RPL7: variants seen among roughly 807,000 people sequenced by gnomAD.
The protein encoded by RPL7 is ribosomal protein L7.
For missense variants in RPL7, 205 were observed against 301.9 expected (o/e 0.68, Z 2.38); for synonymous variants, 100 against 102.2 (o/e 0.98, Z 0.13).
chr8:73,292,737 G>T lies in RPL7; in HGVS notation c.75C>A (p.Phe25Leu). ...PETLKKKRRN[F>L]AELKIKRLRK... The stretch of plus-strand genomic sequence containing the variant: ...TCAGGCGCTTGATCTTCAGCTCTGC[G>T]AAATTCCTTCGCTTTTTCTTAAGGG... The change falls in exon 2 of 7, where the codon TTC (phenylalanine) becomes TTA (leucine). Residue 25 changes from phenylalanine to leucine, a missense_variant. By Grantham distance (22) the Phe-to-Leu change is conservative. Coordinates refer to ENST00000352983, the MANE Select transcript of RPL7 (RefSeq NM_000971.4). 1 of 1,613,766 alleles carries T rather than the reference G, an allele frequency of 6.2e-7. No individual in the cohort carries two copies. Among genetic ancestry groups the T allele is most frequent in the Non-Finnish European group, 8.5e-7 (1 of 1,179,922 alleles).
intron 1 of RPL7, 50 bp from the exon 2 acceptor site, chr8:73,292,847 G>T (rs1190124258): frequency 6.7e-6 from 9 of 1,351,434 alleles, no homozygotes; most frequent in Non-Finnish European, 9.4e-6. Flanking sequence ...AGCTCACAGC[G>T]CTGTATTACT....
At chr8:73,293,535 G>T in intron 1 of RPL7, 64 bp downstream of exon 1, 3 of 1,597,532 alleles carry the variant, frequency 1.9e-6, no homozygotes, top group East Asian at 2.2e-5. Flanking sequence ...GAGAAAAAGT[G>T]ACACAAAAAG....
chr8:73,293,655 C>T, upstream of RPL7: 1 of 1,612,208 alleles, frequency 6.2e-7, no homozygotes. Flanking sequence ...TGCGTACTGT[C>T]CACTTAAAGA....
intron 4 of RPL7, 41 bp from the exon 5 acceptor site, chr8:73,291,702 A>C: frequency 1.3e-6 from 2 of 1,590,966 alleles, no homozygotes; most frequent in Non-Finnish European, 8.6e-7. Flanking sequence ...GACCACTGTT[A>C]AAACATCTAA....
chr8:73,291,313 C>T (rs1814089157), intron 5 of RPL7, 61 bp from the exon 6 acceptor site: 1 of 1,373,310 alleles, frequency 7.3e-7, no homozygotes, highest in Non-Finnish European at 1.0e-6. Flanking sequence ...AATAATTATT[C>T]AAAATCTTTT....
chr8:73,293,683 C>T, upstream of RPL7: 3 of 1,585,316 alleles, frequency 1.9e-6, no homozygotes, highest in Non-Finnish European at 1.7e-6. Flanking sequence ...AGAGAAGCCC[C>T]ACGACTCATA....
chr8:73,292,897 T>C (rs1469920309), intron 1 of RPL7, 100 bp from the exon 2 acceptor site: 3 of 828,934 alleles, frequency 3.6e-6, no homozygotes, highest in Non-Finnish European at 5.7e-6. Context: ...ATGCTGTCAC[T>C]GACTTTAGTC....
chr8:73,294,279 C>G (rs1005647928), upstream of RPL7: 4 of 152,888 alleles, frequency 2.6e-5, no homozygotes, highest in African/African-American at 4.8e-5. Context: ...AGTGGCTAGC[C>G]AGGGACCAGT....
At position 73,292,796 on chromosome 8, in the gene RPL7, C is replaced by G. The variant is rs949014733; in HGVS notation, c.16G>C (p.Glu6Gln). MEGVE[E>Q]KKKEVPAVPE... Reference sequence around the variant, plus strand: ...ACAGCAGGAACCTCCTTCTTCTTCTCTCTAACGTTAATAAACAAAAATGTT... The same window carrying G: ...ACAGCAGGAACCTCCTTCTTCTTCTGTCTAACGTTAATAAACAAAAATGTT... Residue 6 changes from glutamate (E) to glutamine (Q), a missense_variant and splice_region_variant, in exon 2 of 7, where the codon GAG becomes CAG. Transcript: ENST00000352983. 4 of 1,604,334 alleles carry G rather than the reference C, an allele frequency of 2.5e-6. No homozygotes were observed. In the African/African-American group the frequency reaches 5.4e-5, roughly 22 times the overall value.
rs1309160345 is a variant in RPL7 at position 73,291,791 on chromosome 8, T to C, written c.410A>G (p.Glu137Gly). The C allele has an allele frequency of 6.2e-7, 1 of 1,608,092 alleles. No individual in the cohort carries two copies. The highest frequency in any genetic ancestry group is 8.5e-7 in the Non-Finnish European group (1 of 1,174,808). The change falls in exon 4 of 7, where the codon GAG becomes GGG. Residue 137 changes from glutamate to glycine, a missense_variant. Transcript: ENST00000352983. ...GACTTACCCCCATGCAATATATGGCTCTACAATCCTCAGCATGTTAATCGA... is the reference window on the plus strand; with the variant it reads ...GACTTACCCCCATGCAATATATGGCCCTACAATCCTCAGCATGTTAATCGA... ...KASINMLRIV[E>G]PYIAWGYPNL...
chr8:73,293,307 T>G lies in RPL7; in HGVS notation c.14+292A>C, dbSNP rs113028694. On this transcript the variant is annotated intron_variant, in intron 1 of 6. Transcript: ENST00000352983. ...CCAAGGACGAACACAATTCAGAGGTTCTGCGCCTCCCCCGAAAGACCCTCT... is the reference window on the plus strand; with the variant it reads ...CCAAGGACGAACACAATTCAGAGGTGCTGCGCCTCCCCCGAAAGACCCTCT... 2.0e-3 allele frequency: 901 copies of G among 453,500 alleles called. 2 individuals are homozygous for G. The highest frequency in any genetic ancestry group is 0.016 in the African/African-American group (810 of 50,686). The allele number at this position is 453,500 out of a possible 1,614,324, so 28.1% of individuals were successfully genotyped here.
At chr8:73,291,425 C>T in intron 5 of RPL7, 127 bp downstream of exon 5, 3 of 887,354 alleles carry the variant, frequency 3.4e-6, no homozygotes, top group Non-Finnish European at 5.2e-6. Context: ...CTTACGTTTT[C>T]TTTTAAGCTA....
chr8:73,291,290 CAA>C (rs746218257), intron 5 of RPL7, 38 bp from the exon 6 acceptor site: 4 of 1,523,360 alleles, frequency 2.6e-6, no homozygotes, highest in African/African-American at 1.4e-5. Flanking sequence ...ATTAAAGTTG[CAA>C]AAAGTTTTGA....
upstream of RPL7, chr8:73,294,262 T>TA (rs1491248075): frequency 6.5e-6 from 1 of 152,680 alleles, no homozygotes; most frequent in Non-Finnish European, 1.5e-5. Context: ...TGCTCTAGCT[T>TA]ACGAAAAGTG....
chr8:73,290,329 T>G lies in RPL7; in HGVS notation c.*378A>C. On this transcript the variant is annotated 3_prime_UTR_variant, in exon 7 of 7. Coordinates refer to ENST00000352983, the MANE Select transcript of RPL7 (RefSeq NM_000971.4). ...AATAAATTTTAGCAACTAAATTCAA[T>G]TTTTTCCATAAACCAAAGTTGGATT... The G allele has an allele frequency of 6.6e-6, 1 of 152,202 alleles. No individual in the cohort carries two copies. The highest frequency in any genetic ancestry group is 1.9e-4 in the East Asian group (1 of 5,198). The allele number at this position is 152,202 out of a possible 1,614,324, so 9.4% of individuals were successfully genotyped here.
intron 6 of RPL7, 42 bp downstream of exon 6, chr8:73,291,001 C>G (rs1181093046): frequency 1.4e-6 from 2 of 1,453,636 alleles, no homozygotes. Context: ...ACCACTTATA[C>G]TCTAACATTA....
rs925717961 is a variant in RPL7 at position 73,290,486 on chromosome 8, A to C, written c.*221T>G. 2.0e-5 allele frequency: 3 copies of C among 152,620 alleles called. No homozygotes were observed. Among genetic ancestry groups the C allele is most frequent in the Admixed American group, 6.5e-5 (1 of 15,318 alleles). The allele number at this position is 152,620 out of a possible 1,614,324, so 9.5% of individuals were successfully genotyped here. A position where few individuals can be genotyped will look rare whatever the true frequency, so the allele number is the denominator to read the frequency against. ...GTATAGAAAAGCCTTTTAAAAACCC[A>C]AGAGATGTCTTTCACACAGACTCGA... On this transcript the variant is annotated 3_prime_UTR_variant, in exon 7 of 7. Transcript: ENST00000352983.
At chr8:73,291,709 C>G in intron 4 of RPL7, 48 bp from the exon 5 acceptor site, 1 of 1,590,598 alleles carries the variant, frequency 6.3e-7, no homozygotes. Flanking sequence ...GTTAAAACAT[C>G]TAAAATTCAT....
At chr8:73,293,734 A>C (rs1044287582), upstream of RPL7, 1 of 1,287,386 alleles carries the variant, frequency 7.8e-7, no homozygotes, top group Non-Finnish European at 1.1e-6. Context: ...AGAACTAAAA[A>C]GCCGCCTTGC....
Sources: gnomAD v4.1 joint callset for allele counts on GRCh38, gnomAD v4.1.1 for gene constraint, MANE v1.5 for transcripts, NCBI Gene and HGNC (gene_info 2026-07-23, HGNC 2026-07-21) for gene names.